Variants in PTPRR observed in about 807,000 individuals in gnomAD.
PTPRR encodes the protein receptor-type tyrosine-protein phosphatase R.
PTPRR carries 38 observed loss-of-function variants against 77.2 expected under a neutral mutation model. The observed-to-expected ratio is 0.49, with a 90% confidence interval of 0.38 to 0.65. The LOEUF (loss-of-function observed/expected upper bound fraction) is 0.65, where lower values mean the gene tolerates loss of function less well. Among genes scored for constraint, PTPRR ranks in the 30% least tolerant of loss-of-function variants. The probability of loss-of-function intolerance (pLI) is 0.00; values close to 1 mark genes in which losing one functional copy is unlikely to be tolerated. For synonymous variants in PTPRR, 299 were observed against 283.1 expected, an observed-to-expected ratio of 1.06 and a Z score of -0.57; for missense variants, 744 against 799.2, an observed-to-expected ratio of 0.93 and a Z score of 0.83.
At chr12:70,860,919 G>GTTTTAT (rs1892742516) in intron 2 of PTPRR, among the ~76,000 whole-genome samples, 1 of 151,884 alleles carries the variant, frequency 6.6e-6, no homozygotes, top group African/African-American at 2.4e-5. Flanking sequence ...TCCCTTGCTT[G>GTTTTAT]TTTTATTTTT....
chr12:70,900,286 G>A (rs1472357621), intron 1 of PTPRR, among the ~76,000 whole-genome samples: 1 of 151,362 alleles, frequency 6.6e-6, no homozygotes, highest in Non-Finnish European at 1.5e-5. Flanking sequence ...TGTAGTGTTG[G>A]CAAAGAAATA....
At chr12:70,844,030 C>T (rs896153542) in intron 2 of PTPRR, among the ~76,000 whole-genome samples, 17 of 151,642 alleles carry the variant, frequency 1.1e-4, no homozygotes, top group Non-Finnish European at 1.9e-4. Context: ...TGGCCAGGCT[C>T]GTCTCAAACT....
At chr12:70,846,579 A>G (rs182123675) in intron 2 of PTPRR, among the ~76,000 whole-genome samples, 68 of 152,204 alleles carry the variant, frequency 4.5e-4, no homozygotes, top group Non-Finnish European at 9.3e-4. Context: ...TGGGGCCTTT[A>G]GGGATTGATT....
At chr12:70,904,617 G>A (rs959811149) in intron 1 of PTPRR, among the ~76,000 whole-genome samples, 4 of 151,802 alleles carry the variant, frequency 2.6e-5, no homozygotes, top group African/African-American at 9.7e-5. Flanking sequence ...TGGTTGTGAT[G>A]ACATGAATCT....
At chr12:70,669,084 T>C (rs1404754290) in intron 10 of PTPRR, among the ~76,000 whole-genome samples, 1 of 152,232 alleles carries the variant, frequency 6.6e-6, no homozygotes, top group Non-Finnish European at 1.5e-5. Flanking sequence ...ATTAATGACA[T>C]GGAGAATACT....
intron 1 of PTPRR, among the ~76,000 whole-genome samples, chr12:70,911,417 T>C (rs1477412740): frequency 6.6e-6 from 1 of 152,146 alleles, no homozygotes; most frequent in Non-Finnish European, 1.5e-5. Context: ...TAGGAAGATG[T>C]ATCCTAGGAC....
intron 2 of PTPRR, among the ~76,000 whole-genome samples, chr12:70,769,007 T>C (rs1362225784): frequency 0.18 from 25,845 of 140,310 alleles, 2,486 homozygotes; most frequent in Middle Eastern, 0.24. Flanking sequence ...ATGGGACATA[T>C]CTCAAAATAA....
rs1382719312 is a variant in PTPRR at position 70,638,123 on chromosome 12, T to C, written c.*1061A>G. 6.6e-6 allele frequency: 1 copy of C among 152,592 alleles called. No homozygotes were observed. Among genetic ancestry groups the C allele is most frequent in the Non-Finnish European group, 1.5e-5 (1 of 68,018 alleles). The allele number at this position is 152,592 out of a possible 1,614,324, so 9.5% of individuals were successfully genotyped here. ...TGGCAGTATGAAACAAAGTCAACAT[T>C]GCTGCATTAAAAATTCATATATGAG... On this transcript the variant is annotated 3_prime_UTR_variant, in exon 14 of 14. Coordinates refer to ENST00000283228, the MANE Select transcript of PTPRR (RefSeq NM_002849.4).
At chr12:70,718,373 C>T (rs758364685) in intron 6 of PTPRR, among the ~76,000 whole-genome samples, 2 of 152,048 alleles carry the variant, frequency 1.3e-5, no homozygotes, top group Admixed American at 1.3e-4. Context: ...TCAAGCGATT[C>T]TCCTGCCTCA....
rs1418236181 is a variant in PTPRR at position 70,666,448 on chromosome 12, TG to T, written c.1498-3844del. On this transcript the variant is annotated intron_variant, in intron 10 of 13. Coordinates refer to ENST00000283228, the MANE Select transcript of PTPRR (RefSeq NM_002849.4). ...TTGTTTTTATACCAAAACACCTTTA[TG>T]GCAGGTGTACTTATTATTGAAGTCC... Among the ~76,000 whole-genome samples the T allele has an allele frequency of 3.4e-4, 52 of 152,210 alleles. 1 individual carries two copies. Among genetic ancestry groups the T allele is most frequent in the Non-Finnish European group, 7.3e-5 (5 of 68,028 alleles).
At chr12:70,755,060 T>G (rs1890528506) in intron 4 of PTPRR, among the ~76,000 whole-genome samples, 4 of 152,146 alleles carry the variant, frequency 2.6e-5, no homozygotes, top group African/African-American at 4.8e-5. Flanking sequence ...TTAATTTTAT[T>G]TTATTAATTT....
At chr12:70,875,552 T>C (rs1480086776) in intron 2 of PTPRR, among the ~76,000 whole-genome samples, 3 of 151,592 alleles carry the variant, frequency 2.0e-5, no homozygotes, top group Non-Finnish European at 4.4e-5. Context: ...GAAGTATACA[T>C]GCAGAAGTTT....
chr12:70,857,893 A>AG, intron 2 of PTPRR, among the ~76,000 whole-genome samples: 1 of 152,114 alleles, frequency 6.6e-6, no homozygotes, highest in South Asian at 2.1e-4. Context: ...ATAAGCCAGA[A>AG]GTTGGGGCAT....
intron 10 of PTPRR, among the ~76,000 whole-genome samples, chr12:70,673,695 A>G (rs760979214): frequency 2.0e-5 from 3 of 152,192 alleles, no homozygotes; most frequent in Non-Finnish European, 4.4e-5. Context: ...AATAATATTT[A>G]TTTTATGACA....
At chr12:70,669,466 T>TAC (rs1491418906) in intron 10 of PTPRR, among the ~76,000 whole-genome samples, 29 of 137,282 alleles carry the variant, frequency 2.1e-4, no homozygotes, top group African/African-American at 8.4e-4. Context: ...TATATATATA[T>TAC]ACACACAAGC....
intron 1 of PTPRR, among the ~76,000 whole-genome samples, chr12:70,909,658 A>T (rs56887916): frequency 0.029 from 4,377 of 152,278 alleles, 216 homozygotes; most frequent in African/African-American, 0.1. Flanking sequence ...ATTGTAGGAT[A>T]TCAAACTTTC....
intron 10 of PTPRR, among the ~76,000 whole-genome samples, chr12:70,677,105 A>G (rs1887478852): frequency 6.6e-6 from 1 of 152,056 alleles, no homozygotes; most frequent in South Asian, 2.1e-4. Flanking sequence ...TCAATGATTT[A>G]TAGTTTTCAG....
At chr12:70,659,335 G>A (rs1422492654) in intron 12 of PTPRR, among the ~76,000 whole-genome samples, 4 of 152,142 alleles carry the variant, frequency 2.6e-5, no homozygotes, top group Non-Finnish European at 5.9e-5. Context: ...TAAAATACAT[G>A]GATGAGGTCA....
chr12:70,724,366 T>C (rs1318817462), intron 6 of PTPRR, among the ~76,000 whole-genome samples: 1 of 152,148 alleles, frequency 6.6e-6, no homozygotes, highest in African/African-American at 2.4e-5. Flanking sequence ...ATGTGCCCAG[T>C]TTTCTCATCT....
Sources: gnomAD v4.1 joint callset for allele counts (sites outside exome capture counted in the v4.1 genomes callset) on GRCh38, gnomAD v4.1.1 for gene constraint, MANE v1.5 for transcripts, NCBI Gene and HGNC (gene_info 2026-07-23, HGNC 2026-07-21) for gene names.